The following SLC30A8 variants were observed in gnomAD, a reference collection of about 807,000 sequenced individuals.
SLC30A8 encodes solute carrier family 30 member 8.
In SLC30A8, 27 loss-of-function variants were observed where a neutral mutation model predicts 36.9. That is an observed-to-expected ratio of 0.73 (90% CI 0.54 to 1.01). The LOEUF (loss-of-function observed/expected upper bound fraction) is 1.01. Ranked by LOEUF, SLC30A8 falls within the 50% of genes least tolerant of loss-of-function variation. SLC30A8 has a pLI of 0.00. For synonymous variants in SLC30A8, 164 were observed against 172.4 expected, an observed-to-expected ratio of 0.95 and a Z score of 0.38; for missense variants, 439 against 452.0, an observed-to-expected ratio of 0.97 and a Z score of 0.26.
chr8:117,146,759 G>A, intron 1 of SLC30A8, 195 bp from the exon 2 acceptor site: 1 of 1,330,150 alleles, frequency 7.5e-7, no homozygotes, highest in Non-Finnish European at 9.8e-7. Flanking sequence ...AAAACTTTTA[G>A]TAGTTGAAGT....
intron 1 of SLC30A8, among the ~76,000 whole-genome samples, chr8:117,003,490 T>C (rs1816081045): frequency 6.6e-6 from 1 of 152,218 alleles, no homozygotes; most frequent in South Asian, 2.1e-4. Context: ...CCTATCATGA[T>C]TGTTATTATC....
intron 7 of SLC30A8, among the ~76,000 whole-genome samples, chr8:117,171,710 C>T (rs927441258): frequency 1.2e-4 from 18 of 152,134 alleles, no homozygotes; most frequent in African/African-American, 4.1e-4. Context: ...TAGGTTTATA[C>T]TAAAATTACT....
Position 117,048,245 on chromosome 8 carries a change from C to T in SLC30A8, c.-226+8987C>T, listed in dbSNP as rs149607361. ...AGTAGCATTCTGTGCCAAGGATGGT[C>T]ATATGGCATGTGTTCAGTGGGACTG... is the stretch of plus-strand genomic sequence containing the variant. On this transcript the variant is annotated intron_variant, in intron 2 of 10. Transcript: ENST00000427715. Among the ~76,000 whole-genome samples the T allele has an allele frequency of 2.0e-3, 309 of 152,226 alleles. 2 individuals carry two copies. The highest frequency in any genetic ancestry group is 7.1e-3 in the African/African-American group (293 of 41,538).
intron 2 of SLC30A8, among the ~76,000 whole-genome samples, chr8:117,060,127 A>T (rs1213734725): frequency 6.6e-6 from 1 of 152,180 alleles, no homozygotes; most frequent in African/African-American, 2.4e-5. Flanking sequence ...TCAGCAGGAC[A>T]TGCAGGCTGA....
intron 2 of SLC30A8, among the ~76,000 whole-genome samples, chr8:117,084,904 C>T (rs1426706413): frequency 6.6e-6 from 1 of 152,080 alleles, no homozygotes; most frequent in African/African-American, 2.4e-5. Flanking sequence ...GAGTGTTTGA[C>T]TCCTCTTCTT....
intron 2 of SLC30A8, among the ~76,000 whole-genome samples, chr8:117,062,711 A>G (rs1818057040): frequency 6.6e-6 from 1 of 152,214 alleles, no homozygotes; most frequent in South Asian, 2.1e-4. Context: ...GTAGGAAACT[A>G]TAGAGGGAGG....
intron 1 of SLC30A8, among the ~76,000 whole-genome samples, chr8:117,018,530 C>A (rs1816594308): frequency 6.6e-6 from 1 of 152,082 alleles, no homozygotes; most frequent in Non-Finnish European, 1.5e-5. Context: ...GCACCACTGC[C>A]TTGATAGCAC....
At chr8:117,030,635 C>A (rs765191168) in intron 1 of SLC30A8, among the ~76,000 whole-genome samples, 3 of 152,192 alleles carry the variant, frequency 2.0e-5, no homozygotes, top group Middle Eastern at 3.4e-3. Flanking sequence ...GAATTATCTC[C>A]ATTTTTCTAA....
At chr8:117,025,931 G>A (rs1346101966) in intron 1 of SLC30A8, among the ~76,000 whole-genome samples, 1 of 152,210 alleles carries the variant, frequency 6.6e-6, no homozygotes, top group Non-Finnish European at 1.5e-5. Context: ...GCAGCCTCAA[G>A]GCTTTTAAAG....
chr8:117,121,912 T>C (rs1820710497), intron 2 of SLC30A8, among the ~76,000 whole-genome samples: 1 of 151,950 alleles, frequency 6.6e-6, no homozygotes, highest in South Asian at 2.1e-4. Flanking sequence ...TCTAAAGACC[T>C]AAACATTGTG....
chr8:117,023,173 A>G (rs1266094994), intron 1 of SLC30A8, among the ~76,000 whole-genome samples: 4 of 152,248 alleles, frequency 2.6e-5, no homozygotes, highest in African/African-American at 9.6e-5. Context: ...ACAATGAGAT[A>G]CCATCTCACA....
chr8:117,073,913 A>C (rs1818412363), intron 2 of SLC30A8, among the ~76,000 whole-genome samples: 1 of 150,256 alleles, frequency 6.7e-6, no homozygotes, highest in Admixed American at 6.8e-5. Context: ...CTGACAGTCT[A>C]CTCATTCTGT....
At chr8:117,012,543 T>C (rs1435515639) in intron 1 of SLC30A8, among the ~76,000 whole-genome samples, 1 of 151,944 alleles carries the variant, frequency 6.6e-6, no homozygotes, top group African/African-American at 2.4e-5. Context: ...AATCTAGAGA[T>C]GATTTAAAGA....
At chr8:116,970,118 A>AT (rs1433228016) in intron 1 of SLC30A8, among the ~76,000 whole-genome samples, 1 of 151,848 alleles carries the variant, frequency 6.6e-6, no homozygotes, top group Admixed American at 6.6e-5. Context: ...TTATTCTATA[A>AT]TTTTTTTTCT....
chr8:117,065,871 C>G (rs1410281024), intron 2 of SLC30A8, among the ~76,000 whole-genome samples: 1 of 152,110 alleles, frequency 6.6e-6, no homozygotes, highest in African/African-American at 2.4e-5. Flanking sequence ...AGAAGATGTC[C>G]TGTGGAAGTT....
At chr8:117,088,972 A>G (rs1818995930) in intron 2 of SLC30A8, among the ~76,000 whole-genome samples, 1 of 152,148 alleles carries the variant, frequency 6.6e-6, no homozygotes, top group Non-Finnish European at 1.5e-5. Context: ...TTTCTCCCAA[A>G]TCCACTTGAA....
intron 1 of SLC30A8, among the ~76,000 whole-genome samples, chr8:117,026,605 G>C (rs561836107): frequency 6.6e-6 from 1 of 152,140 alleles, no homozygotes; most frequent in Non-Finnish European, 1.5e-5. Context: ...ACAGAGAAAA[G>C]CTCTTAGATG....
intron 1 of SLC30A8, among the ~76,000 whole-genome samples, chr8:117,036,113 C>G (rs1437342715): frequency 6.6e-6 from 1 of 152,130 alleles, no homozygotes; most frequent in Non-Finnish European, 1.5e-5. Context: ...TTGAATTCCC[C>G]CCCCCAGAAA....
chr8:117,171,087 G>T lies in SLC30A8; in HGVS notation c.883G>T (p.Asp295Tyr). The T allele has an allele frequency of 6.2e-7, 1 of 1,612,230 alleles. No individual in the cohort carries two copies. Among genetic ancestry groups the T allele is most frequent in the Non-Finnish European group, 8.5e-7 (1 of 1,179,098 alleles). ...SGVKELILAV[D>Y]GVLSVHSLHI... The stretch of plus-strand genomic sequence containing the variant: ...TGTGAAAGAGCTTATTTTAGCAGTC[G>T]ACGGGGTGCTGTCTGTGCACAGCCT... The change falls in exon 7 of 8, where the codon GAC (aspartate) becomes TAC (tyrosine). Residue 295 changes from aspartate (D) to tyrosine (Y), a missense_variant. Transcript: ENST00000456015.
Sources: gnomAD v4.1 joint callset for allele counts (sites outside exome capture counted in the v4.1 genomes callset) on GRCh38, gnomAD v4.1.1 for gene constraint, MANE v1.5 for transcripts, NCBI Gene and HGNC (gene_info 2026-07-23, HGNC 2026-07-21) for gene names.